The following CBX2 variants were observed in gnomAD, a reference collection of about 807,000 sequenced individuals.
CBX2 encodes the protein chromobox protein homolog 2.
A neutral mutation model predicts 21.0 loss-of-function variants in CBX2; 11 were observed. That is an observed-to-expected ratio of 0.52 (90% CI 0.33 to 0.87). The LOEUF (loss-of-function observed/expected upper bound fraction) is 0.87. Ranked by LOEUF, CBX2 falls within the 40% of genes least tolerant of loss-of-function variation. The probability of loss-of-function intolerance (pLI) is 0.02; values close to 1 mark genes in which losing one functional copy is unlikely to be tolerated. For missense variants in CBX2, 746 were observed against 724.3 expected (o/e 1.03, Z -0.34); for synonymous variants, 364 against 304.6 (o/e 1.19, Z -2.03).
intron 3 of CBX2, among the ~76,000 whole-genome samples, chr17:79,780,124 A>G (rs566819110): frequency 3.0e-4 from 46 of 152,364 alleles, no homozygotes; most frequent in African/African-American, 8.2e-4. Flanking sequence ...CCCACCTGGC[A>G]TGAAGGGCCA....
At chr17:79,781,655 G>A (rs782405022) in intron 3 of CBX2, 41 bp from the exon 4 acceptor site, 54 of 1,531,536 alleles carry the variant, frequency 3.5e-5, no homozygotes, top group Admixed American at 1.2e-4. Flanking sequence ...GAAGGGGTAC[G>A]CACAGGGCTT....
At position 79,784,420 on chromosome 17, in the gene CBX2, G is replaced by GC; in HGVS notation, c.983dup (p.His329AlafsTer84). 6.2e-7 allele frequency: 1 copy of GC among 1,611,656 alleles called. No homozygotes were observed. The highest frequency in any genetic ancestry group is 8.5e-7 in the Non-Finnish European group (1 of 1,179,366). On this transcript the variant is annotated frameshift_variant, in exon 5 of 5. Coordinates refer to ENST00000310942, the MANE Select transcript of CBX2 (RefSeq NM_005189.3). LOFTEE classifies it low-confidence loss of function (END_TRUNC). The surrounding 1 kb of genome is among the most constrained non-coding windows in gnomAD (Gnocchi z 5.9). Reference sequence around the variant, plus strand: ...GAGCAGAAAGTGGGGAACACAGGGGGCCCCCCGCACACCCATGGTGCCAGC... The same window carrying GC: ...GAGCAGAAAGTGGGGAACACAGGGGGCCCCCCCGCACACCCATGGTGCCAGC...
chr17:79,782,447 C>G (rs1464391611), intron 4 of CBX2: 1 of 1,279,508 alleles, frequency 7.8e-7, no homozygotes, highest in Non-Finnish European at 1.0e-6. Context: ...CCCCTGAGGA[C>G]AGGTGAGGCA....
chr17:79,784,658 C>A lies in CBX2; in HGVS notation c.1215C>A (p.Pro405=). 1 of 1,612,426 alleles carries A rather than the reference C, an allele frequency of 6.2e-7. No homozygotes were observed. Among genetic ancestry groups the A allele is most frequent in the Non-Finnish European group, 8.5e-7 (1 of 1,179,866 alleles). Reference sequence around the variant, plus strand: ...TTGGGGCCAGCGGGGCCACCATGCCCACCGACACAAGCAAAAGTGAGAAGC... The same window carrying A: ...TTGGGGCCAGCGGGGCCACCATGCCAACCGACACAAGCAAAAGTGAGAAGC... The part of the protein sequence containing the change: ...GLIGASGATM[P]TDTSKSEKLA... Residue 405 remains proline (P), a synonymous_variant, in exon 5 of 5, where the codon CCC becomes CCA. Coordinates refer to ENST00000310942, the MANE Select transcript of CBX2 (RefSeq NM_005189.3). This position sits in a 1 kb window ranked among gnomAD's most constrained non-coding sequence, Gnocchi z 5.9.
chr17:79,784,857 G>C lies in CBX2; in HGVS notation c.1414G>C (p.Asp472His). Residue 472 changes from aspartate to histidine, a missense_variant, in exon 5 of 5, where the codon GAC becomes CAC. Coordinates refer to ENST00000310942, the MANE Select transcript of CBX2 (RefSeq NM_005189.3). This position sits in a 1 kb window ranked among gnomAD's most constrained non-coding sequence, Gnocchi z 5.9. ...EESSSSDSDP[D>H]SASPPSTGQN... ...GAGTAGCAGCTCGGACTCCGACCCC[G>C]ACTCCGCCTCGCCGCCCAGCACTGG... 1 of 1,613,056 alleles carries C rather than the reference G, an allele frequency of 6.2e-7. No individual in the cohort carries two copies. Among genetic ancestry groups the C allele is most frequent in the Non-Finnish European group, 8.5e-7 (1 of 1,179,950 alleles).
At chr17:79,779,491 T>A in intron 3 of CBX2, 64 bp downstream of exon 3, 24 of 1,469,436 alleles carry the variant, frequency 1.6e-5, no homozygotes, top group Non-Finnish European at 2.3e-5. Flanking sequence ...GGAGTCGTGC[T>A]GGGCGCTGCT....
At chr17:79,779,779 A>G (rs557036273) in intron 3 of CBX2, 1 of 331,132 alleles carries the variant, frequency 3.0e-6, no homozygotes, top group African/African-American at 2.1e-5. Flanking sequence ...CATGGCGCTA[A>G]CAGAAAACCA....
intron 4 of CBX2, 85 bp downstream of exon 4, chr17:79,781,886 T>G (rs1555830392): frequency 1.9e-6 from 3 of 1,614,136 alleles, no homozygotes; most frequent in Non-Finnish European, 1.7e-6. Flanking sequence ...TTTGGGGCCC[T>G]CAGGAAGGGG....
chr17:79,785,138 T>G lies in CBX2; in HGVS notation c.*96T>G. 1 of 1,118,582 alleles carries G rather than the reference T, an allele frequency of 8.9e-7. No individual in the cohort carries two copies. The highest frequency in any genetic ancestry group is 1.3e-6 in the Non-Finnish European group (1 of 754,434). The allele number at this position is 1,118,582 out of a possible 1,614,324, so 69.3% of individuals were successfully genotyped here. ...CCCAGCCCAAGCCCCCTCAAGAGTCTGGGTCGGGGGAGGAGGAGTGGGTGG... is the reference window on the plus strand; with the variant it reads ...CCCAGCCCAAGCCCCCTCAAGAGTCGGGGTCGGGGGAGGAGGAGTGGGTGG... On this transcript the variant is annotated 3_prime_UTR_variant, in exon 5 of 5. Transcript: ENST00000310942.
rs782433082 is a variant in CBX2, at chr17:79,784,114, G to T, written c.671G>T (p.Gly224Val). ...LKAHAKEACG[G>V]PSAMATPENL... ...GCCCACGCCAAGGAGGCCTGTGGCGGCCCCAGTGCCATGGCCACCCCAGAG... is the reference window on the plus strand; with the variant it reads ...GCCCACGCCAAGGAGGCCTGTGGCGTCCCCAGTGCCATGGCCACCCCAGAG... The change falls in exon 5 of 5, where the codon GGC (glycine) becomes GTC (valine). Residue 224 changes from glycine to valine, a missense_variant. Gly to Val is a moderately radical substitution (Grantham distance 109, BLOSUM62 -3). This residue lies in a region of CBX2 where 701 missense variants were observed against 650.7 expected (regional missense o/e 1.08). Coordinates refer to ENST00000310942, the MANE Select transcript of CBX2 (RefSeq NM_005189.3). This position sits in a 1 kb window ranked among gnomAD's most constrained non-coding sequence, Gnocchi z 5.9. The T allele has an allele frequency of 6.2e-7, 1 of 1,611,544 alleles. No individual in the cohort carries two copies. Among genetic ancestry groups the T allele is most frequent in the East Asian group, 2.2e-5 (1 of 44,846 alleles).
At chr17:79,782,510 C>T (rs1183990577) in intron 4 of CBX2, 2 of 1,175,994 alleles carry the variant, frequency 1.7e-6, no homozygotes, top group Non-Finnish European at 2.1e-6. Context: ...GGCTTTGATT[C>T]CCTCCTCCGG....
chr17:79,780,935 C>T (rs542096847), intron 3 of CBX2, among the ~76,000 whole-genome samples: 51 of 152,248 alleles, frequency 3.3e-4, no homozygotes, highest in African/African-American at 1.2e-3. Flanking sequence ...GCCTTCCAGG[C>T]CCCAATGAGA....
chr17:79,780,258 C>T (rs1907075838), intron 3 of CBX2, among the ~76,000 whole-genome samples: 1 of 152,224 alleles, frequency 6.6e-6, no homozygotes, highest in African/African-American at 2.4e-5. Context: ...TCTTTCCCAG[C>T]CAGGGTCAAT....
rs1907537699 is a variant in CBX2, at chr17:79,784,992, G to A, written c.1549G>A (p.Val517Met). The change falls in exon 5 of 5, where the codon GTG becomes ATG. Residue 517 changes from valine to methionine, a missense_variant. Physicochemically the swap from Val to Met is conservative, Grantham distance 21. Transcript: ENST00000310942. This position sits in a 1 kb window ranked among gnomAD's most constrained non-coding sequence, Gnocchi z 5.9. ...DVTANLITVT[V>M]KESPTSVGFF... is the part of the protein sequence containing the mutation. ...CACTGCCAACCTCATCACCGTCACA[G>A]TGAAGGAGTCTCCCACCAGCGTGGG... The A allele has an allele frequency of 6.2e-7, 1 of 1,605,732 alleles. No homozygotes were observed. Among genetic ancestry groups the A allele is most frequent in the Non-Finnish European group, 8.5e-7 (1 of 1,179,982 alleles).
intron 4 of CBX2, 39 bp downstream of exon 4, chr17:79,781,840 G>A (rs1555830359): frequency 1.1e-5 from 18 of 1,613,892 alleles, no homozygotes; most frequent in Non-Finnish European, 1.5e-5. Context: ...CCACCTCCCA[G>A]CACCCCCTTG....
Position 79,778,486 on chromosome 17 carries a change from G to T in CBX2, c.116+59G>T. On this transcript the variant is annotated intron_variant, in intron 2 of 4. Transcript: ENST00000310942. The surrounding 1 kb of genome is among the most constrained non-coding windows in gnomAD (Gnocchi z 4.8). ...CCCCCTCGCCCGGGGGTGGGGACGT[G>T]GAGCCCCTCGGCCGCGCCGTCCGGT... is the stretch of plus-strand genomic sequence containing the variant. 1 of 1,197,600 alleles carries T rather than the reference G, an allele frequency of 8.4e-7. No homozygotes were observed. Among genetic ancestry groups the T allele is most frequent in the Non-Finnish European group, 1.1e-6 (1 of 872,204 alleles). 74.2% of individuals were successfully genotyped at this position (1,197,600 alleles called of 1,614,324 possible).
At chr17:79,780,998 C>T (rs1415601552) in intron 3 of CBX2, among the ~76,000 whole-genome samples, 1 of 151,944 alleles carries the variant, frequency 6.6e-6, no homozygotes, top group Non-Finnish European at 1.5e-5. Context: ...ACAGGCTTTC[C>T]CTGGGGGCTG....
intron 4 of CBX2, chr17:79,782,211 G>A: frequency 6.2e-7 from 1 of 1,606,032 alleles, no homozygotes; most frequent in South Asian, 1.1e-5. Flanking sequence ...GCTACTCCGG[G>A]CCCACCTGCG....
rs1294644402 is a variant in CBX2 at position 79,778,204 on chromosome 17, G to T, written c.-32G>T. 5 of 1,284,056 alleles carry T rather than the reference G, an allele frequency of 3.9e-6. No individual in the cohort carries two copies. The highest frequency in any genetic ancestry group is 3.3e-5 in the East Asian group (1 of 29,910). The allele number at this position is 1,284,056 out of a possible 1,614,324, so 79.5% of individuals were successfully genotyped here. On this transcript the variant is annotated 5_prime_UTR_variant, in exon 1 of 5. Coordinates refer to ENST00000310942, the MANE Select transcript of CBX2 (RefSeq NM_005189.3). This position sits in a 1 kb window ranked among gnomAD's most constrained non-coding sequence, Gnocchi z 4.8. Reference sequence around the variant, plus strand: ...GCGGTCCGGGCGGGTGACTGGCGGCGGGCGCCGCGGTCGGGCTGGCTGCCG... The same window carrying T: ...GCGGTCCGGGCGGGTGACTGGCGGCTGGCGCCGCGGTCGGGCTGGCTGCCG...
Sources: allele counts gnomAD v4.1 joint callset (sites outside exome capture counted in the v4.1 genomes callset), GRCh38; gene constraint gnomAD v4.1.1; regional missense constraint gnomAD v4.1.1; non-coding constraint Gnocchi (gnomAD v3.1); transcripts MANE v1.5; gene names NCBI Gene and HGNC (gene_info 2026-07-23, HGNC 2026-07-21).